DOCK1: variants seen among roughly 807,000 people sequenced by gnomAD.
DOCK1 encodes the protein dedicator of cytokinesis 1.
A neutral mutation model predicts 262.7 loss-of-function variants in DOCK1; 138 were observed. The observed-to-expected ratio is 0.53, with a 90% CI of 0.46 to 0.61. The LOEUF is 0.61. DOCK1 is among the 20% of genes least tolerant of loss of function. DOCK1 has a pLI of 0.00. For missense variants in DOCK1, 1,908 were observed against 2,370.7 expected (o/e 0.80, Z 4.05); for synonymous variants, 866 against 867.4 (o/e 1.00, Z 0.03).
At chr10:127,194,289 T>C (rs2056947369) in intron 27 of DOCK1, among the ~76,000 whole-genome samples, 1 of 152,222 alleles carries the variant, frequency 6.6e-6, no homozygotes, top group African/African-American at 2.4e-5. Context: ...TGAGGAGCAG[T>C]GCCATCTAAT....
intron 40 of DOCK1, among the ~76,000 whole-genome samples, chr10:127,407,362 G>A (rs2067576416): frequency 6.6e-6 from 1 of 152,120 alleles, no homozygotes; most frequent in Non-Finnish European, 1.5e-5. Flanking sequence ...TGTTCTCATG[G>A]GGTGGAAAGG....
chr10:127,245,503 A>G (rs1168851748), intron 27 of DOCK1, among the ~76,000 whole-genome samples: 2 of 152,208 alleles, frequency 1.3e-5, no homozygotes, highest in East Asian at 1.9e-4. Flanking sequence ...ATGCTCTTCC[A>G]GAGAGACTTC....
chr10:127,051,988 T>A (rs1487970258), intron 21 of DOCK1, among the ~76,000 whole-genome samples: 5 of 152,172 alleles, frequency 3.3e-5, no homozygotes, highest in African/African-American at 9.7e-5. Flanking sequence ...TGTGTCTCTG[T>A]TTGGCTGTAA....
chr10:127,399,287 C>T (rs1023061373), intron 38 of DOCK1, among the ~76,000 whole-genome samples: 2 of 152,156 alleles, frequency 1.3e-5, no homozygotes, highest in South Asian at 2.1e-4. Context: ...GGTGTTCAAT[C>T]GCAGAGGTTA....
intron 40 of DOCK1, among the ~76,000 whole-genome samples, chr10:127,408,588 T>G (rs79229768): frequency 0.014 from 2,185 of 152,312 alleles, 40 homozygotes; most frequent in African/African-American, 0.05. Flanking sequence ...AAATTCCTTA[T>G]GGCAGAATGA....
intron 27 of DOCK1, among the ~76,000 whole-genome samples, chr10:127,190,226 G>A (rs959765730): frequency 1.6e-4 from 25 of 152,290 alleles, no homozygotes; most frequent in African/African-American, 5.8e-4. Flanking sequence ...GAGTTTGGTG[G>A]TAAAGAACCC....
At chr10:127,352,182 GGGTGGGGAGGAGCAGCATCCGGGAGA>G (rs1386438145) in intron 31 of DOCK1, among the ~76,000 whole-genome samples, 44 of 143,652 alleles carry the variant, frequency 3.1e-4, no homozygotes, top group African/African-American at 9.1e-4. Context: ...CATCGGGGAG[GGGTGGGGAGGAGCAGCATCCGGGAGA>G]GGTGGGGAGC....
intron 7 of DOCK1, 39 bp from the exon 8 acceptor site, chr10:126,998,053 T>C (rs765929711): frequency 2.5e-6 from 4 of 1,610,646 alleles, no homozygotes; most frequent in Non-Finnish European, 2.5e-6. Context: ...CAGTGATGAG[T>C]GTTGCTGGGG....
chr10:127,235,959 G>A (rs1374422181), intron 27 of DOCK1, among the ~76,000 whole-genome samples: 1 of 151,892 alleles, frequency 6.6e-6, no homozygotes, highest in Non-Finnish European at 1.5e-5. Flanking sequence ...CCAATTTTTG[G>A]TGGGTTATTT....
intron 6 of DOCK1, 124 bp downstream of exon 6, chr10:126,990,727 C>A: frequency 1.6e-6 from 2 of 1,212,680 alleles, no homozygotes; most frequent in Non-Finnish European, 2.2e-6. Flanking sequence ...AAAGTAATGG[C>A]ATGTTTTTCA....
intron 38 of DOCK1, among the ~76,000 whole-genome samples, chr10:127,396,740 T>C (rs7907296): frequency 0.43 from 61,521 of 144,300 alleles, 13,392 homozygotes; most frequent in Middle Eastern, 0.56. Context: ...AGAAAAAATG[T>C]CATATCTCTG....
At chr10:127,005,502 C>A (rs539747574) in intron 10 of DOCK1, among the ~76,000 whole-genome samples, 1 of 152,228 alleles carries the variant, frequency 6.6e-6, no homozygotes, top group East Asian at 1.9e-4. Context: ...GAGTTCAGTT[C>A]CTTAAAATGA....
chr10:127,417,987 C>G (rs931052390), intron 44 of DOCK1, among the ~76,000 whole-genome samples: 1 of 151,564 alleles, frequency 6.6e-6, no homozygotes, highest in Admixed American at 6.6e-5. Flanking sequence ...TTAGATTCCT[C>G]AAAATTCCCG....
In DOCK1 at chr10:127,024,774, G is replaced by T; in HGVS notation, c.1542G>T (p.Glu514Asp). 6.2e-7 allele frequency: 1 copy of T among 1,607,434 alleles called. No homozygotes were observed. Among genetic ancestry groups the T allele is most frequent in the Non-Finnish European group, 8.5e-7 (1 of 1,176,660 alleles). Residue 514 changes from glutamate (E) to aspartate (D), a missense_variant, in exon 15 of 52, where the codon GAG becomes GAT. Coordinates refer to ENST00000623213, the MANE Select transcript of DOCK1 (RefSeq NM_001290223.2). ...YYQVKQPRWF[E>D]TVKVAIPIED... ...AAGTAAAGCAGCCACGCTGGTTTGA[G>T]ACTGTTAAGGTATTATTTACATGGT...
chr10:127,323,811 T>C (rs1341941881), intron 29 of DOCK1, among the ~76,000 whole-genome samples: 5 of 152,220 alleles, frequency 3.3e-5, no homozygotes, highest in Admixed American at 3.3e-4. Flanking sequence ...GCTTGATCAA[T>C]GCGAGCCCCC....
At chr10:127,450,588 G>T (rs1407681841) in intron 51 of DOCK1, among the ~76,000 whole-genome samples, 1 of 152,142 alleles carries the variant, frequency 6.6e-6, no homozygotes, top group Non-Finnish European at 1.5e-5. Context: ...TGCACATCAG[G>T]TGTGTGTGAT....
At chr10:127,018,865 G>T in intron 13 of DOCK1, 30 bp downstream of exon 13, 1 of 1,610,754 alleles carries the variant, frequency 6.2e-7, no homozygotes, top group Non-Finnish European at 8.5e-7. Flanking sequence ...GGGCTTCTCA[G>T]CATGGCATGG....
chr10:127,423,604 A>G (rs754545077), intron 46 of DOCK1, among the ~76,000 whole-genome samples: 9 of 152,192 alleles, frequency 5.9e-5, no homozygotes, highest in Non-Finnish European at 1.0e-4. Context: ...ACAAATCCAT[A>G]CAGTCTCATA....
In DOCK1 at chr10:126,990,623, G is replaced by A. The variant is rs762939076; in HGVS notation, c.473+20G>A. ...AAACAGGTTTGTTTATTTGAAAGAT[G>A]ATTTTACGCTTAAATTATCCAATGT... On this transcript the variant is annotated intron_variant, in intron 6 of 51. Transcript: ENST00000623213. 3 of 1,611,126 alleles carry A rather than the reference G, an allele frequency of 1.9e-6. No individual in the cohort carries two copies. The highest frequency in any genetic ancestry group is 2.5e-6 in the Non-Finnish European group (3 of 1,178,378).
Sources: allele counts gnomAD v4.1 joint callset (sites outside exome capture counted in the v4.1 genomes callset), GRCh38; gene constraint gnomAD v4.1.1; transcripts MANE v1.5; gene names NCBI Gene and HGNC (gene_info 2026-07-23, HGNC 2026-07-21).